The following MUC4 variants were observed in gnomAD, a reference collection of about 807,000 sequenced individuals.
MUC4 encodes mucin-4.
MUC4 carries 202 observed loss-of-function variants against 257.9 expected under a neutral mutation model. The ratio of observed to expected loss-of-function variants is 0.78; its 90% confidence interval spans 0.70 to 0.88. MUC4 has a LOEUF of 0.88. Among genes scored for constraint, MUC4 ranks in the 40% least tolerant of loss-of-function variants. The probability of loss-of-function intolerance (pLI) is 0.00; values close to 1 mark genes in which losing one functional copy is unlikely to be tolerated. For synonymous variants in MUC4, 2,351 were observed against 2,757.1 expected (o/e 0.85, Z 4.62); for missense variants, 5,976 against 6,513.7 (o/e 0.92, Z 2.84).
At chr3:195,777,495 C>T (rs1233286485) in intron 3 of MUC4, among the ~76,000 whole-genome samples, 1 of 74,638 alleles carries the variant, frequency 1.3e-5, no homozygotes, top group Non-Finnish European at 2.8e-5. Context: ...CCTTCCACAC[C>T]CATACCTTCC....
chr3:195,795,406 A>G (rs975339080), intron 1 of MUC4, among the ~76,000 whole-genome samples: 2 of 152,196 alleles, frequency 1.3e-5, no homozygotes, highest in African/African-American at 4.8e-5. Context: ...GCTCCATTTC[A>G]GCAATATGGA....
intron 1 of MUC4, among the ~76,000 whole-genome samples, chr3:195,811,481 T>C (rs1374859705): frequency 6.6e-6 from 1 of 151,942 alleles, no homozygotes; most frequent in Non-Finnish European, 1.5e-5. Context: ...CCTCCACTCT[T>C]CTTTCTCTCT....
In MUC4 at chr3:195,779,220, A is replaced by G. The variant is rs74941663; in HGVS notation, c.12360T>C (p.Ser4120=). The part of the protein sequence containing the change: ...TTPLPVTDTS[S]ASTGQATPLP... ...GAGGGGTGGCCTGACCTGTGGATGC[A>G]GAGGAAGTGTCGGTGACAGGAAGAG... The change falls in exon 2 of 25, where the codon TCT becomes TCC. Residue 4120 remains serine (S), a synonymous_variant. Transcript: ENST00000463781. 3.6e-6 allele frequency: 3 copies of G among 837,596 alleles called. 1 individual carries two copies. Among genetic ancestry groups the G allele is most frequent in the Non-Finnish European group, 4.6e-6 (3 of 653,750 alleles). The allele number at this position is 837,596 out of a possible 1,614,324, so 51.9% of individuals were successfully genotyped here.
rs1467323516 is a variant in MUC4 at position 195,784,226 on chromosome 3, T to A, written c.7354A>T (p.Thr2452Ser). The A allele has an allele frequency of 6.7e-7, 1 of 1,489,330 alleles. No individual in the cohort carries two copies. Among genetic ancestry groups the A allele is most frequent in the South Asian group, 1.2e-5 (1 of 80,738 alleles). 92.3% of individuals were successfully genotyped at this position (1,489,330 alleles called of 1,614,324 possible). A position where few individuals can be genotyped will look rare whatever the true frequency, so the allele number is the denominator to read the frequency against. Residue 2452 changes from threonine (T) to serine (S), a missense_variant, in exon 2 of 25, where the codon ACC becomes TCC. Physicochemically the swap from Thr to Ser is moderately conservative, Grantham distance 58. Around this residue, in one of 44 missense-constraint regions of MUC4, gnomAD observed 57 missense variants for 116.5 expected, o/e 0.49. Transcript: ENST00000463781. Reference sequence around the variant, plus strand: ...CCTGTGGATGCTGAGGAAGTGCTGGTGACAGGAAGAGGGGTGGCATGACCT... The same window carrying A: ...CCTGTGGATGCTGAGGAAGTGCTGGAGACAGGAAGAGGGGTGGCATGACCT... ...STGHATPLPV[T>S]STSSASTGDT... is the part of the protein sequence containing the mutation.
intron 7 of MUC4, among the ~76,000 whole-genome samples, chr3:195,767,891 A>ACCACCACTG (rs1560266294): frequency 7.7e-6 from 1 of 129,340 alleles, no homozygotes; most frequent in Admixed American, 7.2e-5. Context: ...CACCATCACC[A>ACCACCACTG]CCACCATCAC....
chr3:195,780,166 T>C lies in MUC4; in HGVS notation c.11414A>G (p.Gln3805Arg). 3.4e-6 allele frequency: 5 copies of C among 1,476,712 alleles called. No individual in the cohort carries two copies. The highest frequency in any genetic ancestry group is 4.6e-6 in the Non-Finnish European group (5 of 1,087,032). 91.5% of individuals were successfully genotyped at this position (1,476,712 alleles called of 1,614,324 possible). The change falls in exon 2 of 25, where the codon CAG becomes CGG. Residue 3805 changes from glutamine (Q) to arginine (R), a missense_variant. By Grantham distance (43) the Gln-to-Arg change is conservative. Transcript: ENST00000463781. ...GCTGGTGACAGGAAGAGGGGTGGCC[T>C]GACCTGTGGATGCTGAGGAAGTGTC... ...VTDTSSASTG[Q>R]ATPLPVTSLS...
Position 195,788,863 on chromosome 3 carries a change from C to T in MUC4, c.2717G>A (p.Arg906Gln), listed in dbSNP as rs373861956. Residue 906 changes from arginine (R) to glutamine (Q), a missense_variant, in exon 2 of 25, where the codon CGG becomes CAG. Transcript: ENST00000463781. ...ASPQETAAIS[R>Q]MAQTQRTRTS... is the part of the protein sequence containing the mutation. ...TCTTGTCCTCTGAGTCTGGGCCATCCGGGAAATGGCGGCTGTCTCCTGAGG... is the reference window on the plus strand; with the variant it reads ...TCTTGTCCTCTGAGTCTGGGCCATCTGGGAAATGGCGGCTGTCTCCTGAGG... 111 of 1,613,748 alleles carry T rather than the reference C, an allele frequency of 6.9e-5. No individual in the cohort carries two copies. The South Asian group carries it at 7.4e-4, about 11-fold the overall frequency.
At position 195,781,637 on chromosome 3, in the gene MUC4, C is replaced by G; in HGVS notation, c.9943G>C (p.Val3315Leu). 1 of 438,642 alleles carries G rather than the reference C, an allele frequency of 2.3e-6. No individual in the cohort carries two copies. Among genetic ancestry groups the G allele is most frequent in the Non-Finnish European group, 3.2e-6 (1 of 316,542 alleles). 27.2% of individuals were successfully genotyped at this position (438,642 alleles called of 1,614,324 possible). ...GTGGATGCTGAGGAAGCGTCGGTGA[C>G]AAGAAGAGGAGTGGCGTGACCTGTG... Reference protein sequence around the residue: ...VSTGHATPLLVTDASSASTGH... With the variant: ...VSTGHATPLLLTDASSASTGH... Residue 3315 changes from valine to leucine, a missense_variant, in exon 2 of 25, where the codon GTC (valine) becomes CTC (leucine). Physicochemically the swap from Val to Leu is conservative, Grantham distance 32. Around this residue, in one of 44 missense-constraint regions of MUC4, gnomAD observed 72 missense variants for 33.5 expected, o/e 2.15. Coordinates refer to ENST00000463781, the MANE Select transcript of MUC4 (RefSeq NM_018406.7).
intron 3 of MUC4, among the ~76,000 whole-genome samples, chr3:195,777,912 C>CGGCCAT (rs1725325814): frequency 6.6e-6 from 1 of 150,904 alleles, no homozygotes; most frequent in Non-Finnish European, 1.5e-5. Context: ...ATACCTTCCA[C>CGGCCAT]ACCCATACCT....
intron 3 of MUC4, among the ~76,000 whole-genome samples, chr3:195,776,310 C>CCATACCTTCCACAGT: frequency 1.1e-5 from 1 of 94,336 alleles, no homozygotes; most frequent in African/African-American, 5.3e-5. Context: ...CCTTCCACAC[C>CCATACCTTCCACAGT]CATACCTTCC....
At chr3:195,796,579 T>C (rs944849036) in intron 1 of MUC4, among the ~76,000 whole-genome samples, 1 of 151,922 alleles carries the variant, frequency 6.6e-6, no homozygotes, top group Non-Finnish European at 1.5e-5. Context: ...TAGTCCCAGC[T>C]ACTCTGGAGG....
intron 7 of MUC4, among the ~76,000 whole-genome samples, chr3:195,768,564 G>A (rs1357857716): frequency 6.6e-6 from 1 of 152,202 alleles, no homozygotes. Context: ...TCCCAGCTCT[G>A]GGACTTTAGG....
At chr3:195,772,920 A>G (rs1283318126) in intron 4 of MUC4, among the ~76,000 whole-genome samples, 1 of 113,874 alleles carries the variant, frequency 8.8e-6, no homozygotes, top group African/African-American at 3.5e-5. Flanking sequence ...GGGTGTAGAC[A>G]CCCTCTCTCC....
intron 23 of MUC4, among the ~76,000 whole-genome samples, chr3:195,749,328 AGGGAAAAAGG>A (rs1715875587): frequency 1.1e-5 from 1 of 92,720 alleles, no homozygotes; most frequent in African/African-American, 6.7e-5. Context: ...AAAGGTTCCT[AGGGAAAAAGG>A]TTCCTGTGGA....
Position 195,760,642 on chromosome 3 carries a change from G to GGAAGGCGTCCAGCGCTAGTATGGAGTGA in MUC4, c.14848+241_14848+242insTCACTCCATACTAGCGCTGGACGCCTTC, listed in dbSNP as rs1222155858. 1.1e-4 allele frequency among the ~76,000 whole-genome samples: 12 copies of GGAAGGCGTCCAGCGCTAGTATGGAGTGA among 107,776 alleles called. 1 individual carries two copies. Among genetic ancestry groups the GGAAGGCGTCCAGCGCTAGTATGGAGTGA allele is most frequent in the African/African-American group, 5.0e-4 (12 of 24,118 alleles). 70.7% of individuals were successfully genotyped at this position (107,776 alleles called of 152,430 possible). On this transcript the variant is annotated intron_variant, in intron 16 of 24. Coordinates refer to ENST00000463781, the MANE Select transcript of MUC4 (RefSeq NM_018406.7). ...AAGGCATCCAGCGCTAGGATGGACG[G>GGAAGGCGTCCAGCGCTAGTATGGAGTGA]AGGGGGCTGGGAAGGCGTCCAGCAC...
Position 195,789,761 on chromosome 3 carries a change from A to C in MUC4, c.1819T>G (p.Ser607Ala), listed in dbSNP as rs1374602127. Reference protein sequence around the residue: ...SSSPMLDRHTSQQITTAPSTN... With the variant: ...SSSPMLDRHTAQQITTAPSTN... ...GATGGTGCCGTTGTAATTTGTTGGG[A>C]TGTGTGTCTATCCAGCATAGGTGAA... The change falls in exon 2 of 25, where the codon TCC becomes GCC. Residue 607 changes from serine (S) to alanine (A), a missense_variant. By Grantham distance (99) the Ser-to-Ala change is moderately conservative. Transcript: ENST00000463781. 1 of 1,613,770 alleles carries C rather than the reference A, an allele frequency of 6.2e-7. No individual in the cohort carries two copies. The highest frequency in any genetic ancestry group is 1.1e-5 in the South Asian group (1 of 91,052).
Position 195,770,270 on chromosome 3 carries a change from G to C in MUC4, c.13344C>G (p.Ala4448=), listed in dbSNP as rs1302924664. 6.2e-7 allele frequency: 1 copy of C among 1,613,680 alleles called. No homozygotes were observed. Among genetic ancestry groups the C allele is most frequent in the Non-Finnish European group, 8.5e-7 (1 of 1,179,908 alleles). The change falls in exon 6 of 25, where the codon GCC becomes GCG. Residue 4448 remains alanine (A), a synonymous_variant. Coordinates refer to ENST00000463781, the MANE Select transcript of MUC4 (RefSeq NM_018406.7). ...TNNGGYKARW[A]LKVTWVNAHA... is the part of the protein sequence containing the mutation. ...GGGCATTGACCCACGTGACCTTTAG[G>C]GCCCACCTGGCCTTGTAGCCCCCGT...
At chr3:195,778,751 C>T in intron 2 of MUC4, 39 bp downstream of exon 2, 1 of 1,561,710 alleles carries the variant, frequency 6.4e-7, no homozygotes, top group Non-Finnish European at 8.7e-7. Context: ...CGCCAAGGGG[C>T]CCACTGGGAG....
intron 4 of MUC4, 128 bp from the exon 5 acceptor site, chr3:195,771,944 A>G: frequency 1.0e-6 from 1 of 998,168 alleles, no homozygotes; most frequent in Non-Finnish European, 1.5e-6. Context: ...AACCCCTGGA[A>G]GTCACCTCCT....
Sources: allele counts gnomAD v4.1 joint callset (sites outside exome capture counted in the v4.1 genomes callset), GRCh38; gene constraint gnomAD v4.1.1; regional missense constraint gnomAD v4.1.1; transcripts MANE v1.5; gene names NCBI Gene and HGNC (gene_info 2026-07-23, HGNC 2026-07-21).